SPON1: variants seen among roughly 807,000 people sequenced by gnomAD.
SPON1 encodes the protein spondin-1.
In SPON1, 52 loss-of-function variants were observed where a neutral mutation model predicts 111.7. That is an observed-to-expected ratio of 0.47 (90% confidence interval 0.37 to 0.59). SPON1 has a LOEUF of 0.59. Ranked by LOEUF, SPON1 falls within the 20% of genes least tolerant of loss-of-function variation. SPON1 has a pLI of 0.00. For missense variants in SPON1, 957 were observed against 1,068.5 expected (o/e 0.90, Z 1.46); for synonymous variants, 410 against 395.8 (o/e 1.04, Z -0.43).
At chr11:14,243,595 C>T (rs1206754399) in intron 7 of SPON1, among the ~76,000 whole-genome samples, 199 bp downstream of exon 7, 3 of 152,192 alleles carry the variant, frequency 2.0e-5, no homozygotes, top group African/African-American at 7.2e-5. Context: ...GCTCTGTTTT[C>T]CCCCAATGGC....
chr11:14,260,811 C>A, intron 14 of SPON1, 59 bp downstream of exon 14: 1 of 1,556,056 alleles, frequency 6.4e-7, no homozygotes, highest in Non-Finnish European at 8.7e-7. Context: ...CAGGGAGCCC[C>A]GAACCAGCCA....
chr11:14,215,350 G>T lies in SPON1; in HGVS notation c.826-27982G>T, dbSNP rs560905436. Among the ~76,000 whole-genome samples, 8 of 152,280 alleles carry T rather than the reference G, an allele frequency of 5.3e-5. No homozygotes were observed. The South Asian group carries it at 1.7e-3, about 32-fold the overall frequency. On this transcript the variant is annotated intron_variant, in intron 6 of 15. Transcript: ENST00000576479. The stretch of plus-strand genomic sequence containing the variant: ...TTCTTCTCAGAGTGCTATTGGCCAG[G>T]TTACTTGTGGTATTCAAATACAAAT...
rs564908972 is a variant in SPON1 at position 13,984,514 on chromosome 11, C to T, written c.345+1561C>T. 6.6e-5 allele frequency among the ~76,000 whole-genome samples: 10 copies of T among 152,224 alleles called. No individual in the cohort carries two copies. The East Asian group carries it at 1.9e-3, about 29-fold the overall frequency. On this transcript the variant is annotated intron_variant, in intron 2 of 15. Coordinates refer to ENST00000576479, the MANE Select transcript of SPON1 (RefSeq NM_006108.4). ...AAGGTGAGAGCAAGAGGGGTCCAAA[C>T]TCACCTTTATAACAAATCCACTCTC...
chr11:13,986,804 A>G (rs1848188880), intron 2 of SPON1, among the ~76,000 whole-genome samples: 1 of 152,108 alleles, frequency 6.6e-6, no homozygotes, highest in African/African-American at 2.4e-5. Context: ...ATGAGTGTGA[A>G]CATGCGGTGT....
intron 2 of SPON1, among the ~76,000 whole-genome samples, chr11:13,986,670 C>T (rs1194700858): frequency 7.9e-5 from 12 of 151,788 alleles, no homozygotes; most frequent in Admixed American, 7.9e-4. Flanking sequence ...CTCATAAACC[C>T]GTCACCTACA....
chr11:14,146,274 C>G (rs10766148), intron 6 of SPON1, among the ~76,000 whole-genome samples: 1 of 151,230 alleles, frequency 6.6e-6, no homozygotes, highest in Admixed American at 6.6e-5. Flanking sequence ...CTCAGCTTCC[C>G]GAGTAGCTGG....
At chr11:14,052,780 C>T (rs772521693) in intron 3 of SPON1, among the ~76,000 whole-genome samples, 1 of 152,122 alleles carries the variant, frequency 6.6e-6, no homozygotes, top group East Asian at 1.9e-4. Context: ...CAGCTGGGAT[C>T]CCAGGTGCAG....
At chr11:13,964,324 G>A (rs564665508) in intron 1 of SPON1, among the ~76,000 whole-genome samples, 1 of 152,304 alleles carries the variant, frequency 6.6e-6, no homozygotes, top group East Asian at 1.9e-4. Flanking sequence ...TGGGGCACCT[G>A]GTGGGGCAAA....
At chr11:14,100,662 T>C (rs1389287340) in intron 5 of SPON1, among the ~76,000 whole-genome samples, 1 of 152,204 alleles carries the variant, frequency 6.6e-6, no homozygotes, top group Admixed American at 6.5e-5. Flanking sequence ...GATAATTTCT[T>C]TTTTGTTTTT....
At chr11:13,998,766 A>G (rs1223880569) in intron 2 of SPON1, among the ~76,000 whole-genome samples, 1 of 152,148 alleles carries the variant, frequency 6.6e-6, no homozygotes, top group Non-Finnish European at 1.5e-5. Context: ...GGCCTTACCC[A>G]CTTGTTTGCA....
At chr11:14,246,961 T>C (rs1848998287) in intron 7 of SPON1, among the ~76,000 whole-genome samples, 1 of 152,184 alleles carries the variant, frequency 6.6e-6, no homozygotes, top group Admixed American at 6.5e-5. Context: ...GAGACCATCA[T>C]GTATCTGCAA....
chr11:14,166,053 T>A (rs558130729), intron 6 of SPON1, among the ~76,000 whole-genome samples: 2 of 152,246 alleles, frequency 1.3e-5, no homozygotes, highest in African/African-American at 4.8e-5. Context: ...TCTTTAACTT[T>A]CCACAGGTCA....
intron 6 of SPON1, among the ~76,000 whole-genome samples, chr11:14,183,365 C>T (rs1246193028): frequency 6.6e-6 from 1 of 152,174 alleles, no homozygotes; most frequent in Non-Finnish European, 1.5e-5. Flanking sequence ...GTTCATGGAA[C>T]ACAACTTTCT....
chr11:14,075,479 C>G (rs937957639), intron 4 of SPON1, 61 bp downstream of exon 4: 3 of 1,227,014 alleles, frequency 2.4e-6, no homozygotes, highest in Non-Finnish European at 3.5e-6. Context: ...TCCTCCTGCA[C>G]GATCCTCCTG....
At chr11:14,002,875 A>T (rs537270556) in intron 2 of SPON1, among the ~76,000 whole-genome samples, 4 of 152,106 alleles carry the variant, frequency 2.6e-5, no homozygotes, top group Admixed American at 2.0e-4. Context: ...TAATTTTTTT[A>T]AAAAACCCCA....
chr11:14,225,955 C>T (rs782566855), intron 6 of SPON1, among the ~76,000 whole-genome samples: 12 of 152,136 alleles, frequency 7.9e-5, no homozygotes, highest in East Asian at 1.9e-4. Flanking sequence ...TATGCATCAT[C>T]GGGCCATCTT....
chr11:14,067,904 G>A (rs1848845204), intron 3 of SPON1, among the ~76,000 whole-genome samples: 2 of 152,306 alleles, frequency 1.3e-5, no homozygotes, highest in South Asian at 4.1e-4. Context: ...TCACTCTCCT[G>A]TCAGGTGGGC....
At chr11:14,022,991 A>C (rs1321583030) in intron 2 of SPON1, among the ~76,000 whole-genome samples, 1 of 152,114 alleles carries the variant, frequency 6.6e-6, no homozygotes, top group Non-Finnish European at 1.5e-5. Flanking sequence ...CTAACTCCTT[A>C]AGGTTTGTGG....
At chr11:14,227,947 T>A (rs1227159088) in intron 6 of SPON1, among the ~76,000 whole-genome samples, 2 of 152,218 alleles carry the variant, frequency 1.3e-5, no homozygotes, top group Admixed American at 1.3e-4. Context: ...ATCATATTAT[T>A]TAAATATGTG....
Sources: allele counts gnomAD v4.1 joint callset (sites outside exome capture counted in the v4.1 genomes callset), GRCh38; gene constraint gnomAD v4.1.1; transcripts MANE v1.5; gene names NCBI Gene and HGNC (gene_info 2026-07-23, HGNC 2026-07-21).